Variants in ANKRD36C observed in about 807,000 individuals in gnomAD.
The protein encoded by ANKRD36C is ankyrin repeat domain-containing protein 36C.
Under a neutral mutation model 276.4 loss-of-function variants are expected in ANKRD36C, and 61 were observed. The observed-to-expected ratio is 0.22, with a 90% confidence interval of 0.18 to 0.27. The LOEUF (loss-of-function observed/expected upper bound fraction) is 0.27, where lower values mean the gene tolerates loss of function less well. Among genes scored for constraint, ANKRD36C ranks in the 10% least tolerant of loss-of-function variants. The pLI, the probability that ANKRD36C is intolerant of heterozygous loss-of-function variation, is 1.00. For missense variants in ANKRD36C, 1,447 were observed against 2,032.3 expected (o/e 0.71, Z 5.54); for synonymous variants, 483 against 680.1 (o/e 0.71, Z 4.51).
chr2:95,991,717 G>C, exon 1 of ANKRD36C: 1 of 1,611,432 alleles, frequency 6.2e-7, no homozygotes, highest in Non-Finnish European at 8.5e-7. Context: ...ATAATGGTCG[G>C]CTGCAAATTG....
At chr2:95,977,385 A>G (rs1678832538) in intron 6 of ANKRD36C, among the ~76,000 whole-genome samples, 1 of 152,238 alleles carries the variant, frequency 6.6e-6, no homozygotes, top group African/African-American at 2.4e-5. Flanking sequence ...TTTCACAGGA[A>G]AAAAATTCCC....
At position 95,977,200 on chromosome 2, in the gene ANKRD36C, C is replaced by G. The variant is rs200624885; in HGVS notation, c.799+922G>C. On this transcript the variant is annotated intron_variant, in intron 6 of 66. Transcript: ENST00000456556. ...TGTGTGCAGTATAAAGGCCAGTACA[C>G]AACCTGGAAACCTATGAATGATCCA... 1.5e-4 allele frequency among the ~76,000 whole-genome samples: 23 copies of G among 152,188 alleles called. No individual in the cohort carries two copies. In the East Asian group the frequency reaches 4.4e-3, roughly 29 times the overall value.
intron 17 of ANKRD36C, among the ~76,000 whole-genome samples, chr2:95,947,744 T>C (rs1421276194): frequency 6.6e-6 from 1 of 152,140 alleles, no homozygotes; most frequent in African/African-American, 2.4e-5. Flanking sequence ...GTATACTCAA[T>C]AAAAAAGACT....
intron 44 of ANKRD36C, 33 bp from the exon 59 acceptor site, chr2:95,897,498 A>G: frequency 6.6e-7 from 1 of 1,520,938 alleles, no homozygotes; most frequent in Admixed American, 2.1e-5. Context: ...AATCACTCAT[A>G]TGTAAAAATG....
chr2:95,973,034 C>A (rs1678729164), intron 6 of ANKRD36C, among the ~76,000 whole-genome samples: 1 of 152,032 alleles, frequency 6.6e-6, no homozygotes, highest in Non-Finnish European at 1.5e-5. Flanking sequence ...TGCTTGAGAT[C>A]AAAAGTTTGA....
In ANKRD36C at chr2:95,916,225, C is replaced by T. The variant is rs1677092143; in HGVS notation, c.2348-54G>A. 4 of 1,597,830 alleles carry T rather than the reference C, an allele frequency of 2.5e-6. No homozygotes were observed. The East Asian group carries it at 9.0e-5, about 36-fold the overall frequency. On this transcript the variant is annotated intron_variant, in intron 36 of 66. Coordinates refer to ENST00000456556, the Ensembl canonical transcript of ANKRD36C. ...TCACTCGTAAATATGATAAAGTTAT[C>T]CATACATTCACACAGTGTTAGCATC...
intron 38 of ANKRD36C, 31 bp from the exon 41 acceptor site, chr2:95,914,334 A>G (rs1285989383): frequency 1.3e-6 from 2 of 1,545,578 alleles, no homozygotes; most frequent in Non-Finnish European, 1.7e-6. Context: ...ATAATCACTC[A>G]TATGTAAAAA....
chr2:95,849,722 C>T (rs1215715483), downstream of ANKRD36C, among the ~76,000 whole-genome samples: 2 of 152,192 alleles, frequency 1.3e-5, no homozygotes, highest in African/African-American at 4.8e-5. Flanking sequence ...GCATTAGAGT[C>T]TCATAAGGAG....
chr2:95,952,500 T>C (rs578195724), intron 14 of ANKRD36C, among the ~76,000 whole-genome samples: 19 of 152,176 alleles, frequency 1.2e-4, no homozygotes, highest in African/African-American at 4.6e-4. Flanking sequence ...AAAAAAAAGG[T>C]ATTTAATAGA....
chr2:95,930,521 G>A (rs760653788), intron 24 of ANKRD36C, among the ~76,000 whole-genome samples: 63 of 151,332 alleles, frequency 4.2e-4, no homozygotes, highest in Non-Finnish European at 6.9e-4. Flanking sequence ...CTGTCTCTTC[G>A]TCCACTTTTG....
intron 6 of ANKRD36C, among the ~76,000 whole-genome samples, chr2:95,963,950 TATATATAA>T (rs1678517389): frequency 1.3e-5 from 1 of 77,344 alleles, no homozygotes; most frequent in African/African-American, 4.6e-5. Flanking sequence ...TATAAATATA[TATATATAA>T]ATATATATAT....
chr2:95,851,054 A>G, downstream of ANKRD36C: 1 of 670,414 alleles, frequency 1.5e-6, no homozygotes, highest in East Asian at 2.7e-5. Flanking sequence ...AAGAAAAAAT[A>G]TTTAATGTAG....
chr2:95,889,259 G>C (rs1676275134), intron 48 of ANKRD36C, among the ~76,000 whole-genome samples: 1 of 151,596 alleles, frequency 6.6e-6, no homozygotes, highest in South Asian at 2.1e-4. Flanking sequence ...GTATTGAAGT[G>C]AGTTCACTGA....
chr2:95,881,390 A>G (rs1048870454), intron 56 of ANKRD36C, among the ~76,000 whole-genome samples: 7 of 152,238 alleles, frequency 4.6e-5, no homozygotes, highest in Non-Finnish European at 7.3e-5. Flanking sequence ...ATACATTTGG[A>G]AATCAGTCCA....
At chr2:95,914,560 T>C (rs1573762229) in intron 38 of ANKRD36C, among the ~76,000 whole-genome samples, 1 of 151,416 alleles carries the variant, frequency 6.6e-6, no homozygotes. Flanking sequence ...TAAAACCGTG[T>C]CAATCTCAAT....
At chr2:95,856,153 G>C in exon 63 of ANKRD36C, 1 of 1,604,250 alleles carries the variant, frequency 6.2e-7, no homozygotes, top group Non-Finnish European at 8.5e-7. Context: ...TCATGCAGCA[G>C]GTCTTCTTTT....
intron 16 of ANKRD36C, 75 bp from the exon 17 acceptor site, chr2:95,948,671 A>G (rs1253592307): frequency 7.4e-6 from 10 of 1,354,232 alleles, no homozygotes; most frequent in East Asian, 2.6e-5. Flanking sequence ...CAGTCTATAC[A>G]TGCAGGTCCC....
At chr2:95,857,755 T>C (rs1369444262) in intron 61 of ANKRD36C, among the ~76,000 whole-genome samples, 4 of 149,396 alleles carry the variant, frequency 2.7e-5, no homozygotes, top group Non-Finnish European at 6.0e-5. Flanking sequence ...GCAAAGTCTC[T>C]TGTGGGAAAA....
intron 6 of ANKRD36C, among the ~76,000 whole-genome samples, chr2:95,965,936 G>C (rs966316649): frequency 6.6e-6 from 1 of 151,892 alleles, no homozygotes; most frequent in Non-Finnish European, 1.5e-5. Flanking sequence ...TGTGCATTTG[G>C]GTGATTTCTT....
Sources: allele counts gnomAD v4.1 joint callset (sites outside exome capture counted in the v4.1 genomes callset), GRCh38; gene constraint gnomAD v4.1.1; transcripts MANE v1.5; gene names NCBI Gene and HGNC (gene_info 2026-07-23, HGNC 2026-07-21).